Variants in CNTN1 observed in about 807,000 individuals in gnomAD.
CNTN1 encodes contactin 1, also known as contactin-1.
CNTN1 carries 38 observed loss-of-function variants against 126.4 expected under a neutral mutation model. The ratio of observed to expected loss-of-function variants is 0.30; its 90% CI spans 0.23 to 0.39. CNTN1 has a LOEUF of 0.39. Among genes scored for constraint, CNTN1 ranks in the 10% least tolerant of loss-of-function variants. The probability of loss-of-function intolerance (pLI) is 1.00; values close to 1 mark genes in which losing one functional copy is unlikely to be tolerated. For synonymous variants in CNTN1, 413 were observed against 422.6 expected (o/e 0.98, Z 0.28); for missense variants, 1,009 against 1,248.4 (o/e 0.81, Z 2.89).
chr12:40,897,804 C>A (rs1944464200), intron 1 of CNTN1, among the ~76,000 whole-genome samples: 1 of 151,980 alleles, frequency 6.6e-6, no homozygotes, highest in Non-Finnish European at 1.5e-5. Context: ...TTAAAAGGAG[C>A]CAGAAGAGCA....
intron 1 of CNTN1, among the ~76,000 whole-genome samples, chr12:40,745,063 G>A (rs1230356437): frequency 6.6e-6 from 1 of 152,014 alleles, no homozygotes; most frequent in Non-Finnish European, 1.5e-5. Flanking sequence ...ACCGTATTTA[G>A]CAGCTATAAA....
chr12:41,043,319 C>A (rs1949461919), intron 23 of CNTN1, among the ~76,000 whole-genome samples: 1 of 152,052 alleles, frequency 6.6e-6, no homozygotes, highest in African/African-American at 2.4e-5. Flanking sequence ...AAACAAACAA[C>A]CCCATCAAAA....
chr12:41,014,353 C>T, intron 18 of CNTN1, 55 bp downstream of exon 18: 1 of 1,557,352 alleles, frequency 6.4e-7, no homozygotes, highest in South Asian at 1.1e-5. Flanking sequence ...ATTTAACTTC[C>T]ACCCCATTTT....
chr12:40,943,813 G>T, intron 13 of CNTN1, 89 bp downstream of exon 13: 1 of 1,519,048 alleles, frequency 6.6e-7, no homozygotes, highest in African/African-American at 1.4e-5. Context: ...GTATTTGTAA[G>T]TTTCTTTTTC....
chr12:40,714,859 C>T (rs78571653), intron 1 of CNTN1, among the ~76,000 whole-genome samples: 48 of 152,106 alleles, frequency 3.2e-4, no homozygotes, highest in Non-Finnish European at 5.1e-4. Context: ...GTATGTGATC[C>T]ACTCAAAAAT....
At chr12:40,706,094 C>T (rs908316455) in intron 1 of CNTN1, among the ~76,000 whole-genome samples, 3 of 92,446 alleles carry the variant, frequency 3.2e-5, no homozygotes, top group Non-Finnish European at 7.3e-5. Flanking sequence ...TCATTTGATG[C>T]TTTATATATA....
At chr12:41,052,446 T>C (rs953419777) in intron 23 of CNTN1, among the ~76,000 whole-genome samples, 1 of 152,178 alleles carries the variant, frequency 6.6e-6, no homozygotes. Context: ...ACAGACACAA[T>C]AAATATTAGC....
intron 1 of CNTN1, among the ~76,000 whole-genome samples, chr12:40,873,873 A>C (rs936370322): frequency 6.6e-6 from 1 of 152,106 alleles, no homozygotes; most frequent in Non-Finnish European, 1.5e-5. Flanking sequence ...GCTATCAACT[A>C]TTGGAATATC....
At chr12:40,720,463 G>A (rs1408785677) in intron 1 of CNTN1, among the ~76,000 whole-genome samples, 2 of 151,956 alleles carry the variant, frequency 1.3e-5, no homozygotes, top group Non-Finnish European at 2.9e-5. Context: ...AGTACAACCA[G>A]TGAATTAAGG....
At chr12:40,744,869 A>C (rs1028365599) in intron 1 of CNTN1, among the ~76,000 whole-genome samples, 7 of 152,126 alleles carry the variant, frequency 4.6e-5, no homozygotes, top group African/African-American at 1.7e-4. Flanking sequence ...TCAGGAAAAT[A>C]AAATTACTGT....
intron 23 of CNTN1, among the ~76,000 whole-genome samples, chr12:41,037,281 C>T (rs1949287355): frequency 6.6e-6 from 1 of 152,112 alleles, no homozygotes; most frequent in African/African-American, 2.4e-5. Flanking sequence ...TAAGGTCATG[C>T]ATCACATAAC....
At chr12:40,706,878 C>T (rs1007335375) in intron 1 of CNTN1, among the ~76,000 whole-genome samples, 1 of 152,172 alleles carries the variant, frequency 6.6e-6, no homozygotes, top group African/African-American at 2.4e-5. Context: ...TCCCTACAGA[C>T]TCCGGCTTAG....
intron 23 of CNTN1, among the ~76,000 whole-genome samples, chr12:41,051,611 T>G (rs1376386900): frequency 6.6e-6 from 1 of 152,108 alleles, no homozygotes; most frequent in Non-Finnish European, 1.5e-5. Context: ...AGGATATATT[T>G]CTATAAAACA....
intron 1 of CNTN1, among the ~76,000 whole-genome samples, chr12:40,725,746 C>G (rs960528874): frequency 2.0e-5 from 3 of 152,270 alleles, no homozygotes; most frequent in African/African-American, 7.2e-5. Flanking sequence ...CTCTTAAAAT[C>G]TCTCTCACTT....
chr12:41,002,437 T>G (rs1444418018), intron 17 of CNTN1, among the ~76,000 whole-genome samples: 2 of 152,174 alleles, frequency 1.3e-5, no homozygotes, highest in African/African-American at 4.8e-5. Context: ...GTTCTTGGCA[T>G]GACTGTTGTT....
intron 1 of CNTN1, chr12:40,896,199 A>C (rs1011171786): frequency 2.6e-5 from 4 of 152,186 alleles, no homozygotes; most frequent in Admixed American, 6.5e-5. Flanking sequence ...ACATGCTGAC[A>C]CATGCTTACA....
chr12:40,985,885 G>T (rs960455961), intron 16 of CNTN1, among the ~76,000 whole-genome samples: 1 of 151,928 alleles, frequency 6.6e-6, no homozygotes, highest in Admixed American at 6.6e-5. Flanking sequence ...GTGCACGCAC[G>T]CATGTGTCTG....
intron 17 of CNTN1, among the ~76,000 whole-genome samples, chr12:41,002,871 T>C (rs1166195435): frequency 2.0e-5 from 3 of 152,166 alleles, no homozygotes; most frequent in African/African-American, 7.2e-5. Context: ...GTTTTCTACA[T>C]ATAGGATCAT....
chr12:40,855,293 A>G (rs2136628568), intron 1 of CNTN1, among the ~76,000 whole-genome samples: 1 of 152,248 alleles, frequency 6.6e-6, no homozygotes, highest in African/African-American at 2.4e-5. Context: ...AATTTTCAGC[A>G]TATTGTAAAT....
Sources: gnomAD v4.1 joint callset for allele counts (sites outside exome capture counted in the v4.1 genomes callset) on GRCh38, gnomAD v4.1.1 for gene constraint, MANE v1.5 for transcripts, NCBI Gene and HGNC (gene_info 2026-07-23, HGNC 2026-07-21) for gene names.